The following LRMDA variants were observed in gnomAD, a reference collection of about 807,000 sequenced individuals.
LRMDA encodes leucine rich melanocyte differentiation associated.
In LRMDA, 18 loss-of-function variants were observed where a neutral mutation model predicts 29.8. That is an observed-to-expected ratio of 0.60 (90% CI 0.42 to 0.90). The LOEUF (loss-of-function observed/expected upper bound fraction) is 0.90. Ranked by LOEUF, LRMDA falls within the 40% of genes least tolerant of loss-of-function variation. The probability of loss-of-function intolerance (pLI) is 0.00; values close to 1 mark genes in which losing one functional copy is unlikely to be tolerated. For synonymous variants in LRMDA, 125 were observed against 109.4 expected, an observed-to-expected ratio of 1.14 and a Z score of -0.89; for missense variants, 273 against 273.9, an observed-to-expected ratio of 1.00 and a Z score of 0.02.
At chr10:76,361,032 A>G (rs769883983) in intron 6 of LRMDA, among the ~76,000 whole-genome samples, 1 of 152,162 alleles carries the variant, frequency 6.6e-6, no homozygotes, top group Non-Finnish European at 1.5e-5. Context: ...AGGCTGAGGC[A>G]GGTGGATCGC....
chr10:75,835,150 G>T (rs1844411897), intron 2 of LRMDA, among the ~76,000 whole-genome samples: 1 of 152,178 alleles, frequency 6.6e-6, no homozygotes, highest in African/African-American at 2.4e-5. Context: ...GAGGTCAGAA[G>T]TTCAAAATGA....
At chr10:75,961,508 T>C (rs1846765429) in intron 2 of LRMDA, among the ~76,000 whole-genome samples, 4 of 152,242 alleles carry the variant, frequency 2.6e-5, no homozygotes, top group Admixed American at 2.0e-4. Context: ...CTGAGACCTA[T>C]TGCCACATCA....
intron 6 of LRMDA, among the ~76,000 whole-genome samples, chr10:76,494,197 T>A (rs544669741): frequency 1.3e-4 from 20 of 152,128 alleles, no homozygotes; most frequent in Admixed American, 2.6e-4. Flanking sequence ...ATTGCACTGG[T>A]TTAAACCTCC....
intron 2 of LRMDA, among the ~76,000 whole-genome samples, chr10:75,522,355 G>A (rs1414708485): frequency 1.3e-5 from 2 of 152,216 alleles, no homozygotes; most frequent in Non-Finnish European, 2.9e-5. Context: ...TATAGGGGTT[G>A]CAAATTCAGA....
At chr10:76,335,711 G>A (rs1418680870) in intron 6 of LRMDA, among the ~76,000 whole-genome samples, 4 of 152,136 alleles carry the variant, frequency 2.6e-5, no homozygotes, top group African/African-American at 7.2e-5. Context: ...TTTCTGATTG[G>A]CAATTGGTTG....
chr10:76,445,330 A>G (rs1368482577), intron 6 of LRMDA, among the ~76,000 whole-genome samples: 2 of 152,176 alleles, frequency 1.3e-5, no homozygotes, highest in Admixed American at 6.5e-5. Flanking sequence ...CTCTGCTGCT[A>G]TCCAACCAGC....
At chr10:76,522,418 G>A (rs995928165) in intron 6 of LRMDA, among the ~76,000 whole-genome samples, 2 of 152,162 alleles carry the variant, frequency 1.3e-5, no homozygotes, top group Admixed American at 6.5e-5. Flanking sequence ...GTTCTAGAAC[G>A]GTGCCAGGGA....
intron 2 of LRMDA, among the ~76,000 whole-genome samples, chr10:75,488,141 C>T (rs942901556): frequency 3.3e-5 from 5 of 152,006 alleles, no homozygotes; most frequent in African/African-American, 1.2e-4. Context: ...GTATGCCCTG[C>T]CTCTGTTTTA....
chr10:75,601,516 T>TTTTTG (rs1159329476), intron 2 of LRMDA, among the ~76,000 whole-genome samples: 4 of 151,550 alleles, frequency 2.6e-5, no homozygotes, highest in Non-Finnish European at 5.9e-5. Flanking sequence ...GGGAAAAGAG[T>TTTTTG]TTTTGTTTTG....
At chr10:75,492,068 A>G (rs73275513) in intron 2 of LRMDA, among the ~76,000 whole-genome samples, 2,731 of 152,310 alleles carry the variant, frequency 0.018, 78 homozygotes, top group African/African-American at 0.063. Context: ...GCAGATGTAG[A>G]TGTTAATGTA....
intron 5 of LRMDA, among the ~76,000 whole-genome samples, chr10:76,084,811 T>G (rs887153078): frequency 1.3e-5 from 2 of 152,252 alleles, no homozygotes; most frequent in Non-Finnish European, 2.9e-5. Flanking sequence ...CAATTAGCCA[T>G]GTGACTATAG....
At chr10:76,102,387 C>A (rs1464893003) in intron 5 of LRMDA, among the ~76,000 whole-genome samples, 1 of 152,164 alleles carries the variant, frequency 6.6e-6, no homozygotes, top group African/African-American at 2.4e-5. Flanking sequence ...TCTTCCTCTT[C>A]CCACCCTCTA....
rs954266948 is a variant in LRMDA, at chr10:76,558,884, T to G, written c.*1596T>G. On this transcript the variant is annotated 3_prime_UTR_variant, in exon 7 of 7. Coordinates refer to ENST00000611255, the MANE Select transcript of LRMDA (RefSeq NM_001305581.2). Reference sequence around the variant, plus strand: ...AATCAGTTCTTTAGACAAGTTAACATTAAAATCCTCAAAACCATGAAAAAT... The same window carrying G: ...AATCAGTTCTTTAGACAAGTTAACAGTAAAATCCTCAAAACCATGAAAAAT... 1 of 152,218 alleles carries G rather than the reference T, an allele frequency of 6.6e-6. No homozygotes were observed. Among genetic ancestry groups the G allele is most frequent in the Non-Finnish European group, 1.5e-5 (1 of 68,038 alleles). 9.4% of individuals were successfully genotyped at this position (152,218 alleles called of 1,614,324 possible).
At chr10:75,812,012 C>T (rs371369816) in intron 2 of LRMDA, among the ~76,000 whole-genome samples, 2 of 150,968 alleles carry the variant, frequency 1.3e-5, no homozygotes, top group African/African-American at 4.9e-5. Flanking sequence ...TTGCCCTTGA[C>T]GTTGAAGTGA....
chr10:75,977,341 C>G (rs1284218842), intron 2 of LRMDA, among the ~76,000 whole-genome samples: 1 of 152,142 alleles, frequency 6.6e-6, no homozygotes. Context: ...CTTCAGTAAA[C>G]AACAGGCACT....
At chr10:76,034,196 G>A (rs1244729138) in intron 2 of LRMDA, among the ~76,000 whole-genome samples, 2 of 151,712 alleles carry the variant, frequency 1.3e-5, no homozygotes, top group African/African-American at 4.8e-5. Context: ...TTTTTTTTTT[G>A]TTTGTATTTT....
chr10:75,772,475 A>G (rs939470053), intron 2 of LRMDA, among the ~76,000 whole-genome samples: 2 of 152,196 alleles, frequency 1.3e-5, no homozygotes, highest in Non-Finnish European at 2.9e-5. Flanking sequence ...GCTTTGCACC[A>G]GAGGCTTATG....
intron 2 of LRMDA, among the ~76,000 whole-genome samples, chr10:75,627,510 T>C (rs1159363935): frequency 6.6e-6 from 1 of 152,194 alleles, no homozygotes; most frequent in Non-Finnish European, 1.5e-5. Flanking sequence ...GGAGAAGGTT[T>C]GGGCCACAGA....
intron 6 of LRMDA, among the ~76,000 whole-genome samples, chr10:76,369,631 T>A (rs945954925): frequency 1.3e-5 from 2 of 152,214 alleles, no homozygotes; most frequent in African/African-American, 4.8e-5. Context: ...GGTGTTCTTT[T>A]GCTTCTTGTA....
Sources: gnomAD v4.1 joint callset for allele counts (sites outside exome capture counted in the v4.1 genomes callset) on GRCh38, gnomAD v4.1.1 for gene constraint, MANE v1.5 for transcripts, NCBI Gene and HGNC (gene_info 2026-07-23, HGNC 2026-07-21) for gene names.